Variants in BAALC observed in about 807,000 individuals in gnomAD.
The protein encoded by BAALC is brain and acute leukemia cytoplasmic protein.
In BAALC, 9 loss-of-function variants were observed where a neutral mutation model predicts 15.5. That is an observed-to-expected ratio of 0.58 (90% confidence interval 0.35 to 1.02). The LOEUF is 1.02. Ranked by LOEUF, BAALC falls within the 50% of genes least tolerant of loss-of-function variation. The pLI is 0.02. For synonymous variants in BAALC, 80 were observed against 74.6 expected, an observed-to-expected ratio of 1.07 and a Z score of -0.37; for missense variants, 201 against 192.4, an observed-to-expected ratio of 1.04 and a Z score of -0.27.
chr8:103,204,406 A>G (rs1055807226), intron 1 of BAALC, among the ~76,000 whole-genome samples: 1 of 152,112 alleles, frequency 6.6e-6, no homozygotes, highest in African/African-American at 2.4e-5. Context: ...TGAATCACAA[A>G]AGTTTTCAGT....
At chr8:103,171,830 C>T (rs1049174984) in intron 1 of BAALC, 1 of 152,180 alleles carries the variant, frequency 6.6e-6, no homozygotes, top group African/African-American at 2.4e-5. Context: ...GCAAAATCTG[C>T]TTCCCAGTAG....
At chr8:103,142,712 C>CAT (rs2129845417) in intron 1 of BAALC, among the ~76,000 whole-genome samples, 1 of 152,292 alleles carries the variant, frequency 6.6e-6, no homozygotes, top group East Asian at 1.9e-4. Context: ...TGCGTATATG[C>CAT]ATATGTATGG....
intron 1 of BAALC, among the ~76,000 whole-genome samples, chr8:103,170,284 A>AT (rs1364677495): frequency 6.6e-6 from 1 of 151,050 alleles, no homozygotes; most frequent in East Asian, 1.9e-4. Context: ...AATGGACTTC[A>AT]TGGTTCTGTT....
At chr8:103,175,090 C>T (rs1022748703) in intron 1 of BAALC, among the ~76,000 whole-genome samples, 2 of 152,196 alleles carry the variant, frequency 1.3e-5, no homozygotes, top group African/African-American at 4.8e-5. Flanking sequence ...AGTTACTCAC[C>T]TCTCTGCCCT....
intron 1 of BAALC, among the ~76,000 whole-genome samples, chr8:103,141,850 C>G (rs1810785707): frequency 6.6e-6 from 1 of 152,218 alleles, no homozygotes; most frequent in African/African-American, 2.4e-5. Context: ...AAAGAATTGT[C>G]TGGTCAGGTC....
rs34233321 is a variant in BAALC, at chr8:103,150,333, C to CTGTGTG, written c.160+9290_160+9295dup. Among the ~76,000 whole-genome samples, 255 of 149,376 alleles carry CTGTGTG rather than the reference C, an allele frequency of 1.7e-3. No homozygotes were observed. The East Asian group carries it at 0.023, about 14-fold the overall frequency. ...CCATATCATGGATATAGAAACATGG[C>CTGTGTG]TGTGTGTGTGTGTGTGTGTCTGTGT... On this transcript the variant is annotated intron_variant, in intron 1 of 2. Transcript: ENST00000309982.
At chr8:103,156,884 A>G (rs1259487562) in intron 1 of BAALC, 1 of 152,248 alleles carries the variant, frequency 6.6e-6, no homozygotes, top group East Asian at 1.9e-4. Flanking sequence ...ATACCCAATG[A>G]TCTTCTTAGA....
chr8:103,196,471 G>C (rs1476579831), intron 1 of BAALC, among the ~76,000 whole-genome samples: 2 of 151,934 alleles, frequency 1.3e-5, no homozygotes, highest in African/African-American at 2.4e-5. Flanking sequence ...TGTAGAAAAG[G>C]GTTTTTGCCA....
chr8:103,171,163 G>A (rs1210284205), intron 1 of BAALC, among the ~76,000 whole-genome samples: 1 of 149,850 alleles, frequency 6.7e-6, no homozygotes, highest in African/African-American at 2.5e-5. Flanking sequence ...AGGGAAGGGA[G>A]AAAGAAAGGA....
intron 1 of BAALC, among the ~76,000 whole-genome samples, chr8:103,176,429 G>A (rs569652763): frequency 1.1e-4 from 17 of 151,560 alleles, no homozygotes; most frequent in African/African-American, 4.1e-4. Flanking sequence ...AAAGAAGAAG[G>A]AAAGGACATA....
At chr8:103,194,355 A>G (rs1451419328) in intron 1 of BAALC, among the ~76,000 whole-genome samples, 1 of 151,914 alleles carries the variant, frequency 6.6e-6, no homozygotes, top group Non-Finnish European at 1.5e-5. Flanking sequence ...TTGCAAATAC[A>G]CACAATATAA....
At chr8:103,216,887 C>T (rs756787305) in intron 2 of BAALC, among the ~76,000 whole-genome samples, 4 of 152,192 alleles carry the variant, frequency 2.6e-5, no homozygotes, top group Non-Finnish European at 5.9e-5. Context: ...ATTGTTGTCT[C>T]CAATTTACAG....
At chr8:103,224,178 G>A (rs1350149276) in intron 2 of BAALC, among the ~76,000 whole-genome samples, 1 of 152,046 alleles carries the variant, frequency 6.6e-6, no homozygotes, top group Non-Finnish European at 1.5e-5. Flanking sequence ...CTCAGAAAAT[G>A]AAGTAACTAC....
In BAALC at chr8:103,228,477, A is replaced by G. The variant is rs1812853932; in HGVS notation, c.*378A>G. The G allele has an allele frequency of 5.8e-6, 1 of 171,006 alleles. No individual in the cohort carries two copies. Among genetic ancestry groups the G allele is most frequent in the Admixed American group, 6.2e-5 (1 of 16,132 alleles). The allele number at this position is 171,006 out of a possible 1,614,324, so 10.6% of individuals were successfully genotyped here. ...GAAAGAGTCACACCTTAGTGCTATAACTCTCCTGCCCATGATAGTGTATTC... is the reference window on the plus strand; with the variant it reads ...GAAAGAGTCACACCTTAGTGCTATAGCTCTCCTGCCCATGATAGTGTATTC... On this transcript the variant is annotated 3_prime_UTR_variant, in exon 3 of 3. Coordinates refer to ENST00000309982, the MANE Select transcript of BAALC (RefSeq NM_024812.3).
intron 1 of BAALC, among the ~76,000 whole-genome samples, chr8:103,198,361 A>G (rs1812141336): frequency 6.6e-6 from 1 of 152,192 alleles, no homozygotes; most frequent in African/African-American, 2.4e-5. Flanking sequence ...AGAAAAGACA[A>G]AATGTGACAT....
intron 1 of BAALC, chr8:103,198,101 T>C (rs1338919285): frequency 1.4e-6 from 1 of 701,568 alleles, no homozygotes; most frequent in African/African-American, 1.7e-5. Context: ...ACTGTTAGGG[T>C]GCCTTGAGGA....
chr8:103,213,418 G>A (rs955984749), intron 2 of BAALC: 1 of 188,900 alleles, frequency 5.3e-6, no homozygotes, highest in Admixed American at 6.0e-5. Flanking sequence ...GCCAGTCTCA[G>A]GGGTTGGCAG....
intron 1 of BAALC, among the ~76,000 whole-genome samples, chr8:103,145,650 A>G (rs1810863479): frequency 6.6e-6 from 1 of 152,234 alleles, no homozygotes; most frequent in Non-Finnish European, 1.5e-5. Flanking sequence ...TTGAAGACTC[A>G]CATTAAGCTT....
intron 1 of BAALC, among the ~76,000 whole-genome samples, chr8:103,169,004 G>A (rs1299591024): frequency 6.6e-6 from 1 of 151,964 alleles, no homozygotes; most frequent in Non-Finnish European, 1.5e-5. Context: ...TCAATCCTTA[G>A]TATGAGATTT....
Sources: gnomAD v4.1 joint callset for allele counts (sites outside exome capture counted in the v4.1 genomes callset) on GRCh38, gnomAD v4.1.1 for gene constraint, MANE v1.5 for transcripts, NCBI Gene and HGNC (gene_info 2026-07-23, HGNC 2026-07-21) for gene names.